Variants in CLTCL1 observed in about 807,000 individuals in gnomAD.
CLTCL1 encodes clathrin heavy chain like 1, also known as clathrin heavy chain 2.
Under a neutral mutation model 190.0 loss-of-function variants are expected in CLTCL1, and 159 were observed. That is an observed-to-expected ratio of 0.84 (90% CI 0.74 to 0.95). CLTCL1 has a LOEUF of 0.95. Ranked by LOEUF, CLTCL1 falls within the 40% of genes least tolerant of loss-of-function variation. The pLI is 0.00. For synonymous variants in CLTCL1, 752 were observed against 769.6 expected (o/e 0.98, Z 0.38); for missense variants, 1,878 against 2,033.4 (o/e 0.92, Z 1.47).
At chr22:19,282,466 C>T (rs545477590) in intron 1 of CLTCL1, among the ~76,000 whole-genome samples, 13 of 151,754 alleles carry the variant, frequency 8.6e-5, no homozygotes, top group African/African-American at 2.7e-4. Flanking sequence ...GGTGAAACCC[C>T]GTCTCCACTA....
At position 19,226,340 on chromosome 22, in the gene CLTCL1, T is replaced by A. The variant is rs369065556; in HGVS notation, c.1826A>T (p.Asp609Val). ...ACAGAGCTGGGCAATGTGGGCCCGG[T>A]CGTAATGAGTAAACATTTTATTTCC... ...ILGNKMFTHYDRAHIAQLCEK... is the reference protein window; with the variant it reads ...ILGNKMFTHYVRAHIAQLCEK... Residue 609 changes from aspartate to valine, a missense_variant, in exon 12 of 33, where the codon GAC becomes GTC. Transcript: ENST00000427926. The A allele has an allele frequency of 4.3e-6, 7 of 1,613,882 alleles. No individual in the cohort carries two copies. The highest frequency in any genetic ancestry group is 1.3e-5 in the African/African-American group (1 of 74,922).
intron 18 of CLTCL1, among the ~76,000 whole-genome samples, chr22:19,217,346 G>C (rs1040258451): frequency 6.6e-6 from 1 of 152,172 alleles, no homozygotes; most frequent in Non-Finnish European, 1.5e-5. Flanking sequence ...GCCGGCCGCG[G>C]TGGCTCATGC....
At chr22:19,218,540 C>T (rs1252854091) in intron 18 of CLTCL1, among the ~76,000 whole-genome samples, 1 of 152,200 alleles carries the variant, frequency 6.6e-6, no homozygotes, top group East Asian at 1.9e-4. Flanking sequence ...GCCCTCAAGC[C>T]TTTCGAAAGC....
chr22:19,270,726 CAAAAA>C (rs35877753), intron 2 of CLTCL1, among the ~76,000 whole-genome samples: 1 of 78,828 alleles, frequency 1.3e-5, no homozygotes, highest in Non-Finnish European at 2.4e-5. Context: ...GACTCCAACT[CAAAAA>C]AAAAAAAAAA....
chr22:19,284,622 T>G (rs1555988992), intron 1 of CLTCL1, among the ~76,000 whole-genome samples: 1 of 152,080 alleles, frequency 6.6e-6, no homozygotes. Context: ...ACCACGCCAT[T>G]GCATTCCAGC....
Position 19,219,880 on chromosome 22 carries a change from C to T in CLTCL1, c.2919+5G>A. On this transcript the variant is annotated splice_donor_5th_base_variant and intron_variant, in intron 18 of 32. Coordinates refer to ENST00000427926, the MANE Select transcript of CLTCL1 (RefSeq NM_007098.4). ...TGTGCAGACATACCCATCTCTGTGC[C>T]TCACCTGGTCAATTAGCTGTCTCCT... is the stretch of plus-strand genomic sequence containing the variant. 1 of 1,614,044 alleles carries T rather than the reference C, an allele frequency of 6.2e-7. No individual in the cohort carries two copies. Among genetic ancestry groups the T allele is most frequent in the Non-Finnish European group, 8.5e-7 (1 of 1,179,904 alleles).
intron 1 of CLTCL1, among the ~76,000 whole-genome samples, chr22:19,287,457 C>G (rs1353413582): frequency 6.6e-6 from 1 of 152,086 alleles, no homozygotes; most frequent in Non-Finnish European, 1.5e-5. Context: ...CAGAGTTGAG[C>G]AGGTGTTGGG....
chr22:19,180,288 C>T (rs2793062), intron 31 of CLTCL1, 50 bp from the exon 32 acceptor site: 106,142 of 1,603,824 alleles, frequency 0.066, 3,709 homozygotes, highest in Middle Eastern at 0.11. Flanking sequence ...CTCAGCCGGA[C>T]GCTGGAGACC....
chr22:19,281,184 A>G (rs1172950795), intron 1 of CLTCL1, among the ~76,000 whole-genome samples: 2 of 151,362 alleles, frequency 1.3e-5, no homozygotes, highest in Non-Finnish European at 2.9e-5. Context: ...AGTCCCAGCT[A>G]CTCAGGAGGC....
intron 29 of CLTCL1, chr22:19,184,479 G>C (rs1555927353): frequency 2.2e-6 from 1 of 456,020 alleles, no homozygotes; most frequent in Non-Finnish European, 4.4e-6. Flanking sequence ...GCTCCGGAAA[G>C]AAGTCTCCCC....
chr22:19,230,263 C>A lies in CLTCL1; in HGVS notation c.1645-288G>T, dbSNP rs535013819. The stretch of plus-strand genomic sequence containing the variant: ...AGACTACAGGCACCCGTCACCACAC[C>A]CAGCTAATTTTTCTATTTTTAGTAG... On this transcript the variant is annotated intron_variant, in intron 10 of 32. Transcript: ENST00000427926. Among the ~76,000 whole-genome samples the A allele has an allele frequency of 9.5e-4, 145 of 152,114 alleles. 1 individual carries two copies. The highest frequency in any genetic ancestry group is 3.3e-3 in the African/African-American group (136 of 41,476).
chr22:19,224,319 C>T (rs1446599909), intron 13 of CLTCL1, among the ~76,000 whole-genome samples: 1 of 152,038 alleles, frequency 6.6e-6, no homozygotes, highest in African/African-American at 2.4e-5. Context: ...TTTGTGGGCC[C>T]AGGTATACCT....
chr22:19,222,120 C>A, intron 15 of CLTCL1, 27 bp from the exon 16 acceptor site: 9 of 1,611,592 alleles, frequency 5.6e-6, no homozygotes, highest in Non-Finnish European at 7.6e-6. Flanking sequence ...CAAGTAACTT[C>A]AGTGTTGCAA....
intron 26 of CLTCL1, among the ~76,000 whole-genome samples, chr22:19,192,318 G>A (rs2084538071): frequency 6.6e-6 from 1 of 152,152 alleles, no homozygotes; most frequent in Admixed American, 6.5e-5. Context: ...CCCCACCTCA[G>A]CCTCCCAAAG....
intron 2 of CLTCL1, among the ~76,000 whole-genome samples, chr22:19,256,998 A>C (rs567653053): frequency 1.3e-5 from 2 of 152,240 alleles, no homozygotes; most frequent in East Asian, 3.8e-4. Flanking sequence ...GAAACAGAAG[A>C]AAGTCTAGAA....
At chr22:19,193,585 T>C (rs1173816216) in intron 26 of CLTCL1, among the ~76,000 whole-genome samples, 1 of 152,220 alleles carries the variant, frequency 6.6e-6, no homozygotes, top group African/African-American at 2.4e-5. Context: ...AAGGGAAAAC[T>C]GAAGGCTGGG....
chr22:19,197,131 G>A (rs2084736452), intron 24 of CLTCL1, among the ~76,000 whole-genome samples: 1 of 152,108 alleles, frequency 6.6e-6, no homozygotes, highest in African/African-American at 2.4e-5. Flanking sequence ...CACTCTCCCT[G>A]GACAAGACCA....
intron 3 of CLTCL1, among the ~76,000 whole-genome samples, chr22:19,252,875 A>C (rs374675364): frequency 6.6e-6 from 1 of 152,050 alleles, no homozygotes; most frequent in Non-Finnish European, 1.5e-5. Flanking sequence ...TTAGCCAGGC[A>C]TGGTGGTGGG....
At chr22:19,248,001 C>T (rs1453891097) in intron 3 of CLTCL1, among the ~76,000 whole-genome samples, 1 of 151,906 alleles carries the variant, frequency 6.6e-6, no homozygotes, top group African/African-American at 2.4e-5. Context: ...TTTCTTAAAG[C>T]ATTATGAACT....
Sources: gnomAD v4.1 joint callset for allele counts (sites outside exome capture counted in the v4.1 genomes callset) on GRCh38, gnomAD v4.1.1 for gene constraint, MANE v1.5 for transcripts, NCBI Gene and HGNC (gene_info 2026-07-23, HGNC 2026-07-21) for gene names.